Variants in RBFOX1 observed in about 807,000 individuals in gnomAD.
RBFOX1 encodes the protein RNA binding protein fox-1 homolog 1.
Under a neutral mutation model 57.7 loss-of-function variants are expected in RBFOX1, and 8 were observed. The observed-to-expected ratio is 0.14, with a 90% CI of 0.08 to 0.25. The LOEUF (loss-of-function observed/expected upper bound fraction) is 0.25, where lower values mean the gene tolerates loss of function less well. RBFOX1 is among the 10% of genes least tolerant of loss of function. The probability of loss-of-function intolerance (pLI) is 1.00; values close to 1 mark genes in which losing one functional copy is unlikely to be tolerated. For synonymous variants in RBFOX1, 326 were observed against 222.4 expected (o/e 1.47, Z -4.15); for missense variants, 611 against 548.5 (o/e 1.11, Z -1.14).
chr16:6,210,345 C>CAAAAAAAA (rs770814967), intron 1 of RBFOX1, among the ~76,000 whole-genome samples: 2 of 26,016 alleles, frequency 7.7e-5, no homozygotes, highest in Admixed American at 5.0e-4. Flanking sequence ...AACAAAAAAA[C>CAAAAAAAA]AAAAAAAAAA....
intron 1 of RBFOX1, among the ~76,000 whole-genome samples, chr16:6,051,110 C>T (rs2095547710): frequency 6.6e-6 from 1 of 150,762 alleles, no homozygotes; most frequent in Non-Finnish European, 1.5e-5. Flanking sequence ...GCAGTTTTTT[C>T]CCATTAAAAG....
At chr16:6,531,883 C>T (rs1010763915) in intron 2 of RBFOX1, among the ~76,000 whole-genome samples, 2 of 152,148 alleles carry the variant, frequency 1.3e-5, no homozygotes, top group East Asian at 3.8e-4. Flanking sequence ...TGGTTGCAAG[C>T]AACAGGAACC....
chr16:6,143,159 C>T (rs1381390774), intron 1 of RBFOX1, among the ~76,000 whole-genome samples: 3 of 152,106 alleles, frequency 2.0e-5, no homozygotes, highest in Admixed American at 6.6e-5. Flanking sequence ...TCCCTCTTAA[C>T]GTTTTTGTTT....
chr16:6,975,926 G>C (rs543287850), intron 3 of RBFOX1, among the ~76,000 whole-genome samples: 1 of 152,082 alleles, frequency 6.6e-6, no homozygotes, highest in African/African-American at 2.4e-5. Flanking sequence ...AGGAGTTCCA[G>C]ATCATGCTGG....
intron 4 of RBFOX1, among the ~76,000 whole-genome samples, chr16:7,405,848 A>G (rs924394020): frequency 6.6e-6 from 1 of 152,094 alleles, no homozygotes; most frequent in African/African-American, 2.4e-5. Flanking sequence ...CATTGAGATC[A>G]CAGTCCTAGG....
At chr16:6,562,573 T>A (rs79643098) in intron 2 of RBFOX1, among the ~76,000 whole-genome samples, 18,402 of 152,234 alleles carry the variant, frequency 0.12, 1,511 homozygotes, top group Non-Finnish European at 0.17. Flanking sequence ...AATTGGATAT[T>A]TCACTAATAG....
chr16:6,431,489 T>C (rs1481002376), intron 2 of RBFOX1, among the ~76,000 whole-genome samples: 2 of 152,072 alleles, frequency 1.3e-5, no homozygotes, highest in Non-Finnish European at 2.9e-5. Flanking sequence ...GCAGACCAGG[T>C]ATCTGAGTAA....
At position 7,133,945 on chromosome 16, in the gene RBFOX1, C is replaced by G. The variant is rs184113393; in HGVS notation, c.27+81847C>G. 2.0e-5 allele frequency among the ~76,000 whole-genome samples: 3 copies of G among 152,290 alleles called. No individual in the cohort carries two copies. In the East Asian group the frequency reaches 5.8e-4, roughly 29 times the overall value. The stretch of plus-strand genomic sequence containing the variant: ...ATACATGATCTGCTACTTAATATGT[C>G]AGGGTATTTGTCAGGTTGATAACAT... On this transcript the variant is annotated intron_variant, in intron 4 of 15. Transcript: ENST00000550418.
chr16:6,879,190 T>A (rs528628593), intron 3 of RBFOX1, among the ~76,000 whole-genome samples: 2 of 152,182 alleles, frequency 1.3e-5, no homozygotes, highest in Non-Finnish European at 2.9e-5. Context: ...TTTAATAAGT[T>A]GTCCAGTAAT....
rs546061983 is a variant in RBFOX1 at position 6,097,786 on chromosome 16, C to A, written c.-127+77794C>A. ...CTTTTTTTTTTTTTCTTACCACCCT[C>A]CAAAATTCTTATTTATTTATTTTCT... On this transcript the variant is annotated intron_variant, in intron 1 of 15. Coordinates refer to ENST00000550418, the MANE Select transcript of RBFOX1 (RefSeq NM_018723.4). This position sits in a 1 kb window ranked among gnomAD's most constrained non-coding sequence, Gnocchi z 5.0. Among the ~76,000 whole-genome samples, 42 of 151,626 alleles carry A rather than the reference C, an allele frequency of 2.8e-4. No individual in the cohort carries two copies. The highest frequency in any genetic ancestry group is 5.4e-4 in the Non-Finnish European group (37 of 67,916).
Position 5,336,889 on chromosome 16 carries a change from G to T in RBFOX1, c.219+96784G>T, listed in dbSNP as rs577684009. Among the ~76,000 whole-genome samples the T allele has an allele frequency of 1.1e-4, 16 of 152,250 alleles. No individual in the cohort carries two copies. The South Asian group carries it at 3.3e-3, about 32-fold the overall frequency. On this transcript the variant is annotated intron_variant, in intron 1 of 2. Transcript: ENST00000585867. ...GATGCCAGAGCTGATGGATTTGTATGTTCGTCTCCCACTGGGGACACAAGA... is the reference window on the plus strand; with the variant it reads ...GATGCCAGAGCTGATGGATTTGTATTTTCGTCTCCCACTGGGGACACAAGA...
At chr16:7,656,316 T>G (rs543780681) in intron 12 of RBFOX1, among the ~76,000 whole-genome samples, 1 of 152,200 alleles carries the variant, frequency 6.6e-6, no homozygotes, top group African/African-American at 2.4e-5. Context: ...TGAAAAACTT[T>G]GAGGCCACCA....
intron 2 of RBFOX1, among the ~76,000 whole-genome samples, chr16:6,427,584 T>C (rs1430457662): frequency 6.6e-6 from 1 of 152,118 alleles, no homozygotes; most frequent in Non-Finnish European, 1.5e-5. Context: ...TCCTTACACC[T>C]TAATGAAAGA....
intron 3 of RBFOX1, among the ~76,000 whole-genome samples, chr16:5,796,731 G>C (rs1231734188): frequency 6.6e-6 from 1 of 152,212 alleles, no homozygotes; most frequent in Non-Finnish European, 1.5e-5. Context: ...TAATTTGCCT[G>C]TGGTCATCCA....
chr16:6,144,375 C>G (rs973440261), intron 1 of RBFOX1, among the ~76,000 whole-genome samples: 2 of 152,120 alleles, frequency 1.3e-5, no homozygotes, highest in Non-Finnish European at 2.9e-5. Flanking sequence ...AGAGATCTAA[C>G]ACATCATTCT....
intron 4 of RBFOX1, among the ~76,000 whole-genome samples, chr16:7,342,720 T>G (rs969492683): frequency 2.6e-5 from 4 of 151,808 alleles, no homozygotes; most frequent in African/African-American, 7.3e-5. Flanking sequence ...CACCATGGAG[T>G]TTGACATCTT....
chr16:6,554,615 AG>A (rs1365634116), intron 2 of RBFOX1, among the ~76,000 whole-genome samples: 1 of 152,186 alleles, frequency 6.6e-6, no homozygotes, highest in Non-Finnish European at 1.5e-5. Flanking sequence ...CCAAATTTAA[AG>A]GTATGGCCGA....
At chr16:6,605,905 G>T (rs1342382375) in intron 2 of RBFOX1, among the ~76,000 whole-genome samples, 1 of 152,088 alleles carries the variant, frequency 6.6e-6, no homozygotes, top group East Asian at 1.9e-4. Flanking sequence ...TTCGAGACCA[G>T]CCTGGCCAAC....
chr16:6,079,616 A>C (rs1457991814), intron 1 of RBFOX1, among the ~76,000 whole-genome samples: 1 of 150,722 alleles, frequency 6.6e-6, no homozygotes, highest in Non-Finnish European at 1.5e-5. Flanking sequence ...AGTCCTTTTG[A>C]AATGGTACAG....
Sources: gnomAD v4.1 joint callset for allele counts (sites outside exome capture counted in the v4.1 genomes callset) on GRCh38, gnomAD v4.1.1 for gene constraint, Gnocchi (gnomAD v3.1) non-coding constraint, MANE v1.5 for transcripts, NCBI Gene and HGNC (gene_info 2026-07-23, HGNC 2026-07-21) for gene names.